Variants in LMBR1 observed in about 807,000 individuals in gnomAD.
LMBR1 encodes the protein limb region 1 protein homolog.
Under a neutral mutation model 73.9 loss-of-function variants are expected in LMBR1, and 52 were observed. The observed-to-expected ratio is 0.70, with a 90% CI of 0.56 to 0.89. The LOEUF (loss-of-function observed/expected upper bound fraction) is 0.89. LMBR1 is among the 40% of genes least tolerant of loss of function. The pLI, the probability that LMBR1 is intolerant of heterozygous loss-of-function variation, is 0.00. For synonymous variants in LMBR1, 215 were observed against 209.4 expected, an observed-to-expected ratio of 1.03 and a Z score of -0.23; for missense variants, 539 against 579.8, an observed-to-expected ratio of 0.93 and a Z score of 0.72.
At chr7:156,797,688 A>G (rs1178468230) in intron 4 of LMBR1, among the ~76,000 whole-genome samples, 1 of 152,238 alleles carries the variant, frequency 6.6e-6, no homozygotes, top group Non-Finnish European at 1.5e-5. Flanking sequence ...TTGGAATAGC[A>G]TGGAGTATAA....
At chr7:156,762,004 A>G (rs984696631) in intron 8 of LMBR1, 130 bp downstream of exon 8, 4 of 619,158 alleles carry the variant, frequency 6.5e-6, no homozygotes, top group Middle Eastern at 4.4e-4. Context: ...TTAATAAAAC[A>G]ACAATTTGAG....
intron 10 of LMBR1, among the ~76,000 whole-genome samples, chr7:156,729,852 A>C (rs1388464706): frequency 6.6e-6 from 1 of 152,130 alleles, no homozygotes; most frequent in African/African-American, 2.4e-5. Context: ...TATAACACCA[A>C]TCCTCATGCT....
chr7:156,857,052 A>G (rs985153191), intron 1 of LMBR1, among the ~76,000 whole-genome samples: 8 of 152,176 alleles, frequency 5.3e-5, no homozygotes, highest in African/African-American at 1.9e-4. Context: ...AAGAAAACAG[A>G]CTCATAAAAT....
At chr7:156,732,545 G>A (rs1451518185) in intron 10 of LMBR1, among the ~76,000 whole-genome samples, 1 of 152,140 alleles carries the variant, frequency 6.6e-6, no homozygotes, top group Non-Finnish European at 1.5e-5. Context: ...ATCGGCTCAG[G>A]CATGTGAAGA....
chr7:156,673,077 T>TA, downstream of LMBR1, among the ~76,000 whole-genome samples: 1 of 152,350 alleles, frequency 6.6e-6, no homozygotes, highest in East Asian at 1.9e-4. Context: ...ACCTTGAGAA[T>TA]AAACACCCAG....
chr7:156,793,751 G>A (rs920375010), intron 5 of LMBR1, among the ~76,000 whole-genome samples: 4 of 152,120 alleles, frequency 2.6e-5, no homozygotes, highest in Non-Finnish European at 5.9e-5. Context: ...GAAGATAAAG[G>A]TAATTTAATA....
intron 1 of LMBR1, among the ~76,000 whole-genome samples, chr7:156,883,515 G>A (rs1011596617): frequency 6.6e-5 from 10 of 152,146 alleles, no homozygotes; most frequent in African/African-American, 2.2e-4. Context: ...AGATATACAG[G>A]GACAGCAGTG....
At chr7:156,759,050 C>G (rs540995388) in intron 8 of LMBR1, among the ~76,000 whole-genome samples, 2 of 152,304 alleles carry the variant, frequency 1.3e-5, no homozygotes, top group South Asian at 4.1e-4. Flanking sequence ...TGACCTCAAA[C>G]AGCTGATATT....
At chr7:156,756,137 T>G (rs1416884638) in intron 9 of LMBR1, among the ~76,000 whole-genome samples, 1 of 152,180 alleles carries the variant, frequency 6.6e-6, no homozygotes, top group Non-Finnish European at 1.5e-5. Context: ...TAAACACAGT[T>G]GGCAGTAGAG....
At chr7:156,742,286 T>C (rs189553500) in intron 9 of LMBR1, among the ~76,000 whole-genome samples, 43 of 150,972 alleles carry the variant, frequency 2.8e-4, no homozygotes, top group African/African-American at 9.2e-4. Flanking sequence ...ATAATAAAGA[T>C]CAAAGCAGAA....
intron 1 of LMBR1, among the ~76,000 whole-genome samples, chr7:156,848,176 A>G (rs1795767440): frequency 1.3e-5 from 2 of 152,172 alleles, no homozygotes. Context: ...CCTGACAAAG[A>G]CTTCATGACA....
chr7:156,699,649 C>T (rs969483331), intron 15 of LMBR1, among the ~76,000 whole-genome samples: 14 of 151,904 alleles, frequency 9.2e-5, no homozygotes, highest in Admixed American at 4.6e-4. Flanking sequence ...TTTTTGCAAC[C>T]TACTCATCTG....
At position 156,778,014 on chromosome 7, in the gene LMBR1, A is replaced by C. The variant is rs1826460881; in HGVS notation, c.424-14219T>G. Among the ~76,000 whole-genome samples, 3 of 152,256 alleles carry C rather than the reference A, an allele frequency of 2.0e-5. No individual in the cohort carries two copies. The South Asian group carries it at 6.2e-4, about 32-fold the overall frequency. On this transcript the variant is annotated intron_variant, in intron 5 of 16. Transcript: ENST00000353442. The stretch of plus-strand genomic sequence containing the variant: ...ATTCATCCCTTCTTTTCCTACTGCC[A>C]CCATACCCATCCAAGACGATGATTT...
At chr7:156,714,333 T>C (rs1246551312) in intron 15 of LMBR1, among the ~76,000 whole-genome samples, 2 of 152,216 alleles carry the variant, frequency 1.3e-5, no homozygotes, top group Non-Finnish European at 2.9e-5. Context: ...GTGGAGTTCA[T>C]GGCTGAGCTG....
intron 4 of LMBR1, among the ~76,000 whole-genome samples, chr7:156,801,042 T>C (rs1643818202): frequency 6.6e-6 from 1 of 152,136 alleles, no homozygotes; most frequent in African/African-American, 2.4e-5. Context: ...ATTGTGGAAA[T>C]GACAATAAAG....
chr7:156,892,699 G>C (rs1427263832), intron 1 of LMBR1: 4 of 154,618 alleles, frequency 2.6e-5, no homozygotes, highest in African/African-American at 1.4e-4. Flanking sequence ...AGAGCGGAGC[G>C]GGGGGGCAGG....
chr7:156,850,083 T>C (rs1174981599), intron 1 of LMBR1, among the ~76,000 whole-genome samples: 1 of 152,238 alleles, frequency 6.6e-6, no homozygotes, highest in Non-Finnish European at 1.5e-5. Context: ...TGAAACTTAA[T>C]TCCCAATGCA....
At chr7:156,693,975 G>GTTCAACATAT (rs1807758569) in intron 15 of LMBR1, among the ~76,000 whole-genome samples, 1 of 152,096 alleles carries the variant, frequency 6.6e-6, no homozygotes, top group African/African-American at 2.4e-5. Flanking sequence ...TTTATTGCTG[G>GTTCAACATAT]GATGCAAGTA....
rs764034290 is a variant in LMBR1 at position 156,833,779 on chromosome 7, ATCT to A, written c.150_152del (p.Glu50del). On this transcript the variant is annotated inframe_deletion, in exon 3 of 17. Coordinates refer to ENST00000353442, the MANE Select transcript of LMBR1 (RefSeq NM_022458.4). ...AAATCCTGTTGACGATGGCATCTTCATCTTCTTGTTCATCTGCAAAAATGTTTA... is the reference window on the plus strand; with the variant it reads ...AAATCCTGTTGACGATGGCATCTTCATCTTGTTCATCTGCAAAAATGTTTA... The A allele has an allele frequency of 1.3e-6, 2 of 1,597,914 alleles. No homozygotes were observed. Among genetic ancestry groups the A allele is most frequent in the Non-Finnish European group, 8.5e-7 (1 of 1,171,812 alleles).
Sources: allele counts gnomAD v4.1 joint callset (sites outside exome capture counted in the v4.1 genomes callset), GRCh38; gene constraint gnomAD v4.1.1; transcripts MANE v1.5; gene names NCBI Gene and HGNC (gene_info 2026-07-23, HGNC 2026-07-21).